Variants in PDHX observed in about 807,000 individuals in gnomAD.
PDHX encodes the protein pyruvate dehydrogenase complex component X.
A neutral mutation model predicts 55.3 loss-of-function variants in PDHX; 33 were observed. That is an observed-to-expected ratio of 0.60 (90% confidence interval 0.45 to 0.80). The LOEUF (loss-of-function observed/expected upper bound fraction) is 0.80. PDHX is among the 30% of genes least tolerant of loss of function. The probability of loss-of-function intolerance (pLI) is 0.00; values close to 1 mark genes in which losing one functional copy is unlikely to be tolerated. For missense variants in PDHX, 622 were observed against 619.9 expected (o/e 1.00, Z -0.04); for synonymous variants, 226 against 219.4 (o/e 1.03, Z -0.27).
At chr11:34,937,401 T>C (rs1381845947) in intron 2 of PDHX, among the ~76,000 whole-genome samples, 1 of 151,104 alleles carries the variant, frequency 6.6e-6, no homozygotes, top group Non-Finnish European at 1.5e-5. Flanking sequence ...GTTGAGGCCA[T>C]GTGCACCACT....
At chr11:34,982,973 AAG>A (rs1855551682) in intron 8 of PDHX, among the ~76,000 whole-genome samples, 4 of 152,226 alleles carry the variant, frequency 2.6e-5, no homozygotes, top group Admixed American at 2.0e-4. Context: ...ACAACAAAAA[AAG>A]AGAATTTTAG....
rs11032951 is a variant in PDHX, at chr11:34,957,680, A to G, written c.542+97A>G. 1.6e-3 allele frequency: 1,551 copies of G among 981,794 alleles called. 12 individuals carry two copies. The African/African-American group carries it at 0.022, about 14-fold the overall frequency. 60.8% of individuals were successfully genotyped at this position (981,794 alleles called of 1,614,324 possible). ...TTATCATATTCGCACATCGTTGTAC[A>G]TCACGTAGGAAGTTGCTGTTCTCAG... is the stretch of plus-strand genomic sequence containing the variant. On this transcript the variant is annotated intron_variant, in intron 4 of 10. Coordinates refer to ENST00000227868, the MANE Select transcript of PDHX (RefSeq NM_003477.3).
At chr11:34,955,939 T>C (rs1045303232) in intron 3 of PDHX, among the ~76,000 whole-genome samples, 1 of 152,158 alleles carries the variant, frequency 6.6e-6, no homozygotes, top group Non-Finnish European at 1.5e-5. Flanking sequence ...TTTGTATACA[T>C]TTTTAAAGAA....
intron 2 of PDHX, among the ~76,000 whole-genome samples, chr11:34,936,689 A>C (rs377680342): frequency 6.6e-6 from 1 of 151,998 alleles, no homozygotes; most frequent in African/African-American, 2.4e-5. Context: ...TTGAATGCCA[A>C]TCTGCAGTTT....
intron 2 of PDHX, among the ~76,000 whole-genome samples, chr11:34,938,605 T>G (rs1037160812): frequency 6.6e-6 from 1 of 152,194 alleles, no homozygotes; most frequent in African/African-American, 2.4e-5. Flanking sequence ...CAGAACAGTC[T>G]TTTAGGGATT....
intron 6 of PDHX, among the ~76,000 whole-genome samples, chr11:34,967,330 G>A (rs1043757488): frequency 1.3e-5 from 2 of 152,118 alleles, no homozygotes; most frequent in African/African-American, 4.8e-5. Context: ...ACCAAAATTT[G>A]TTTGTGTGTT....
At chr11:34,986,848 A>C (rs1279652816) in intron 9 of PDHX, among the ~76,000 whole-genome samples, 1 of 152,122 alleles carries the variant, frequency 6.6e-6, no homozygotes, top group Non-Finnish European at 1.5e-5. Context: ...TTGCTGAGCT[A>C]TGGCTGCCCG....
At chr11:34,975,640 T>A (rs949560501) in intron 7 of PDHX, among the ~76,000 whole-genome samples, 1 of 152,182 alleles carries the variant, frequency 6.6e-6, no homozygotes, top group Non-Finnish European at 1.5e-5. Flanking sequence ...TGTACCATAC[T>A]CTGCCCTCTT....
chr11:34,950,096 T>G (rs932685164), intron 3 of PDHX, among the ~76,000 whole-genome samples: 1 of 152,072 alleles, frequency 6.6e-6, no homozygotes, highest in Non-Finnish European at 1.5e-5. Flanking sequence ...AAAGAATACA[T>G]TTTTAAATAT....
chr11:34,948,574 T>C (rs1432408976), intron 3 of PDHX, among the ~76,000 whole-genome samples: 2 of 10,564 alleles, frequency 1.9e-4, no homozygotes, highest in Non-Finnish European at 4.5e-4. Flanking sequence ...CCTCTTTTCC[T>C]TTTTTTTTTT....
At position 34,934,606 on chromosome 11, in the gene PDHX, C is replaced by T. The variant is rs1459149461; in HGVS notation, c.241+3122C>T. Among the ~76,000 whole-genome samples, 10 of 107,436 alleles carry T rather than the reference C, an allele frequency of 9.3e-5. 2 individuals carry two copies. Among genetic ancestry groups the T allele is most frequent in the African/African-American group, 3.4e-4 (9 of 26,490 alleles). 70.5% of individuals were successfully genotyped at this position (107,436 alleles called of 152,430 possible). ...TTTTTTTTTTTTTTTGAGACATGGT[C>T]TCACTCTGTTGCCCAGCCTGGAGTA... is the stretch of plus-strand genomic sequence containing the variant. On this transcript the variant is annotated intron_variant, in intron 2 of 10. Coordinates refer to ENST00000227868, the MANE Select transcript of PDHX (RefSeq NM_003477.3).
intron 1 of PDHX, among the ~76,000 whole-genome samples, chr11:34,928,556 A>G (rs369691582): frequency 1.3e-5 from 2 of 151,752 alleles, no homozygotes; most frequent in South Asian, 2.1e-4. Flanking sequence ...TACATTCTTT[A>G]AGCAACTGTT....
intron 1 of PDHX, among the ~76,000 whole-genome samples, chr11:34,928,780 G>A (rs554609274): frequency 6.6e-6 from 1 of 152,280 alleles, no homozygotes; most frequent in Admixed American, 6.5e-5. Context: ...GTGTGTAAGA[G>A]AGTATGTGTG....
At chr11:34,980,122 T>A (rs1254724731) in intron 8 of PDHX, among the ~76,000 whole-genome samples, 1 of 141,918 alleles carries the variant, frequency 7.0e-6, no homozygotes, top group African/African-American at 2.6e-5. Context: ...TCATTTAATT[T>A]AGATTCCCAA....
At chr11:34,916,233 C>T (rs1352082887), upstream of PDHX, 3 of 1,611,768 alleles carry the variant, frequency 1.9e-6, 1 homozygote, top group South Asian at 3.3e-5. Flanking sequence ...CCTACCTGCG[C>T]GCCGCATCTC....
At chr11:34,991,930 T>TAAAAAAAAAAAAAAAAAAAAAAAA (rs1016639069) in intron 9 of PDHX, among the ~76,000 whole-genome samples, 1 of 137,746 alleles carries the variant, frequency 7.3e-6, no homozygotes, top group South Asian at 2.3e-4. Context: ...AAAAAAAAAC[T>TAAAAAAAAAAAAAAAAAAAAAAAA]AAAAAACACT....
chr11:34,980,722 G>A (rs1019171683), intron 8 of PDHX, among the ~76,000 whole-genome samples: 6 of 152,076 alleles, frequency 3.9e-5, no homozygotes, highest in African/African-American at 1.2e-4. Flanking sequence ...GCCTTGCAAT[G>A]GAAATGAGCG....
At chr11:34,970,877 G>T (rs140244885) in intron 7 of PDHX, among the ~76,000 whole-genome samples, 2 of 152,302 alleles carry the variant, frequency 1.3e-5, no homozygotes, top group Non-Finnish European at 2.9e-5. Context: ...ACTGAAATCT[G>T]AAGTACTATA....
At chr11:34,916,079 G>T, upstream of PDHX, 2 of 1,040,970 alleles carry the variant, frequency 1.9e-6, no homozygotes, top group Non-Finnish European at 2.7e-6. Context: ...CGCCAAGGTC[G>T]CGGTGCGCCG....
Sources: gnomAD v4.1 joint callset for allele counts (sites outside exome capture counted in the v4.1 genomes callset) on GRCh38, gnomAD v4.1.1 for gene constraint, MANE v1.5 for transcripts, NCBI Gene and HGNC (gene_info 2026-07-23, HGNC 2026-07-21) for gene names.